The following ERCC2 variants were observed in gnomAD, a reference collection of about 807,000 sequenced individuals.
The protein encoded by ERCC2 is ERCC excision repair 2, TFIIH core complex helicase subunit, also known as general transcription and DNA repair factor IIH helicase subunit XPD.
Under a neutral mutation model 99.4 loss-of-function variants are expected in ERCC2, and 90 were observed. The ratio of observed to expected loss-of-function variants is 0.91; its 90% confidence interval spans 0.76 to 1.08. ERCC2 has a LOEUF of 1.08. Among genes scored for constraint, ERCC2 ranks in the 50% least tolerant of loss-of-function variants. ERCC2 has a pLI of 0.00. For synonymous variants in ERCC2, 497 were observed against 432.4 expected (o/e 1.15, Z -1.85); for missense variants, 993 against 1,038.1 (o/e 0.96, Z 0.60).
Position 45,351,585 on chromosome 19 carries a change from A to C in ERCC2, c.*44T>G. On this transcript the variant is annotated 3_prime_UTR_variant, in exon 23 of 23. Transcript: ENST00000391945. ...CCGCTGGGAACCAGGGCCAGGCAAG[A>C]CTCAGGAGTCACCAGGAACCGTTTA... is the stretch of plus-strand genomic sequence containing the variant. The C allele has an allele frequency of 6.2e-7, 1 of 1,611,932 alleles. No individual in the cohort carries two copies. Among genetic ancestry groups the C allele is most frequent in the Non-Finnish European group, 8.5e-7 (1 of 1,179,524 alleles).
At chr19:45,357,440 C>T (rs1443762654) in intron 14 of ERCC2, 34 bp downstream of exon 14, 1 of 1,612,522 alleles carries the variant, frequency 6.2e-7, no homozygotes. Context: ...GGAGGGAGGT[C>T]AGGGACTAGG....
intron 12 of ERCC2, among the ~76,000 whole-genome samples, chr19:45,360,392 T>C (rs1209152091): frequency 6.7e-6 from 1 of 150,108 alleles, no homozygotes; most frequent in African/African-American, 2.5e-5. Context: ...TTTTTTTTTT[T>C]TTTGAGACGA....
chr19:45,355,820 T>TC, intron 15 of ERCC2, 92 bp from the exon 16 acceptor site: 1 of 988,822 alleles, frequency 1.0e-6, no homozygotes, highest in East Asian at 2.5e-5. Context: ...TAAGCTTTTT[T>TC]TTTTTTTTTT....
intron 17 of ERCC2, among the ~76,000 whole-genome samples, chr19:45,353,946 G>A (rs993046831): frequency 2.0e-5 from 3 of 152,210 alleles, no homozygotes; most frequent in African/African-American, 7.2e-5. Flanking sequence ...GGTAGGCAAA[G>A]GTGTCTTAAG....
At position 45,351,199 on chromosome 19, in the gene ERCC2, G is replaced by A; in HGVS notation, c.*430C>T. On this transcript the variant is annotated 3_prime_UTR_variant, in exon 23 of 23. Transcript: ENST00000391945. ...GTAGAGGCGAGGGGGTTGGATAGTT[G>A]GCTGCCAGGCTGGACCTGGAGCTGG... is the stretch of plus-strand genomic sequence containing the variant. 7.6e-6 allele frequency: 12 copies of A among 1,584,948 alleles called. No individual in the cohort carries two copies. Among genetic ancestry groups the A allele is most frequent in the Non-Finnish European group, 9.4e-6 (11 of 1,164,986 alleles).
chr19:45,364,466 C>T lies in ERCC2; in HGVS notation c.676G>A (p.Ala226Thr), dbSNP rs753696173. 3 of 1,613,886 alleles carry T rather than the reference C, an allele frequency of 1.9e-6. No homozygotes were observed. The highest frequency in any genetic ancestry group is 2.2e-5 in the East Asian group (1 of 44,872). Residue 226 changes from alanine to threonine, a missense_variant, in exon 8 of 23, where the codon GCC becomes ACC. By Grantham distance (58) the Ala-to-Thr change is moderately conservative. This residue lies in a region of ERCC2 where 909 missense variants were observed against 930.8 expected (regional missense o/e 0.98). Transcript: ENST00000391945. ...TCGAAGACCACGACGGCCTTGCGGG[C>T]CAGTTCCTTGGACACCAGGTCTGCA... ...KIADLVSKELARKAVVVFDEA... is the reference protein window; with the variant it reads ...KIADLVSKELTRKAVVVFDEA...
chr19:45,362,697 G>A (rs1972267959), intron 11 of ERCC2, among the ~76,000 whole-genome samples: 2 of 152,260 alleles, frequency 1.3e-5, no homozygotes, highest in South Asian at 4.1e-4. Flanking sequence ...CATGAAGCAG[G>A]CACTTGGGGA....
In ERCC2 at chr19:45,354,721, CAGGCGTACCTGCTCATACCAGG is replaced by C; in HGVS notation, c.1652_1665+8del. 1 of 1,613,654 alleles carries C rather than the reference CAGGCGTACCTGCTCATACCAGG, an allele frequency of 6.2e-7. No individual in the cohort carries two copies. The highest frequency in any genetic ancestry group is 8.5e-7 in the Non-Finnish European group (1 of 1,179,812). On this transcript the variant is annotated splice_donor_variant and splice_donor_5th_base_variant and coding_sequence_variant and intron_variant, in exon 17 of 23. Coordinates refer to ENST00000391945, the MANE Select transcript of ERCC2 (RefSeq NM_000400.4). LOFTEE classifies it high-confidence loss of function. Reference sequence around the variant, plus strand: ...AGAGCAGGTGCAGGGAGGGGGTGGCCAGGCGTACCTGCTCATACCAGGAGGCCACGGTGCTCTCCATGTACTG... The same window carrying C: ...AGAGCAGGTGCAGGGAGGGGGTGGCCAGGCCACGGTGCTCTCCATGTACTG...
rs1272940322 is a variant in ERCC2, at chr19:45,364,181, G to A, written c.815+54C>T. The A allele has an allele frequency of 8.1e-6, 13 of 1,611,412 alleles. No homozygotes were observed. The Admixed American group carries it at 2.2e-4, about 27-fold the overall frequency. On this transcript the variant is annotated intron_variant, in intron 9 of 22. Transcript: ENST00000391945. ...CAACCCTGGGGACAAGTCAGACAGGGGCCAGGGTCCCAGGGGCAGGGCGGG... is the reference window on the plus strand; with the variant it reads ...CAACCCTGGGGACAAGTCAGACAGGAGCCAGGGTCCCAGGGGCAGGGCGGG...
intron 17 of ERCC2, among the ~76,000 whole-genome samples, chr19:45,353,924 C>T (rs536422723): frequency 3.9e-5 from 6 of 152,342 alleles, no homozygotes; most frequent in African/African-American, 1.4e-4. Context: ...GAGCCTCTCT[C>T]TATGACCTTG....
Position 45,364,566 on chromosome 19 carries a change from G to C in ERCC2, c.595-19C>G, listed in dbSNP as rs200619459. On this transcript the variant is annotated intron_variant, in intron 7 of 22. Coordinates refer to ENST00000391945, the MANE Select transcript of ERCC2 (RefSeq NM_000400.4). ...GCAGGATCTGGGGGGCCGGGGAGCA[G>C]GGTTACCAGGGCCCTGCCACCCCAA... 6.6e-5 allele frequency: 106 copies of C among 1,611,476 alleles called. No homozygotes were observed. The East Asian group carries it at 2.2e-3, about 33-fold the overall frequency.
rs1971631456 is a variant in ERCC2 at position 45,349,851 on chromosome 19, A to AT, written c.*1777dup. ...GCAGGCACAGGTGGCAGCAGCAGAC[A>AT]TTTATTGAGCTCACTGTGGCCGGCT... On this transcript the variant is annotated 3_prime_UTR_variant, in exon 23 of 23. Transcript: ENST00000391945. 2 of 522,140 alleles carry AT rather than the reference A, an allele frequency of 3.8e-6. No individual in the cohort carries two copies. Among genetic ancestry groups the AT allele is most frequent in the Admixed American group, 3.6e-5 (1 of 28,058 alleles). 32.3% of individuals were successfully genotyped at this position (522,140 alleles called of 1,614,324 possible).
chr19:45,364,759 AG>A, intron 7 of ERCC2, 78 bp downstream of exon 7: 2 of 1,290,852 alleles, frequency 1.5e-6, no homozygotes, highest in Non-Finnish European at 2.2e-6. Context: ...AGCAACAGAC[AG>A]ACATGGGCAG....
intron 4 of ERCC2, 36 bp downstream of exon 4, chr19:45,368,894 A>G: frequency 6.2e-7 from 1 of 1,610,064 alleles, no homozygotes; most frequent in Admixed American, 1.7e-5. Context: ...CCTAGGGAAC[A>G]GTGGGGCTGG....
rs1266915084 is a variant in ERCC2, at chr19:45,357,643, T to TG, written c.1293dup (p.Ile432HisfsTer18). The TG allele has an allele frequency of 2.5e-6, 4 of 1,613,892 alleles. No homozygotes were observed. Among genetic ancestry groups the TG allele is most frequent in the Non-Finnish European group, 3.4e-6 (4 of 1,179,990 alleles). On this transcript the variant is annotated frameshift_variant, in exon 13 of 23. Transcript: ENST00000391945. LOFTEE classifies it high-confidence loss of function. ...GCAGGGTCCCACCTGAAGTGCAGGA[T>TG]GGGGTTGGCAATGGTCGGGGTTCTG... is the stretch of plus-strand genomic sequence containing the variant.
At position 45,353,236 on chromosome 19, in the gene ERCC2, A is replaced by ACC; in HGVS notation, c.1758+4_1758+5dup. 6.2e-7 allele frequency: 1 copy of ACC among 1,613,442 alleles called. No individual in the cohort carries two copies. Among genetic ancestry groups the ACC allele is most frequent in the Non-Finnish European group, 8.5e-7 (1 of 1,179,658 alleles). ...ACCCCTCTCCACGCTGGCCTCGCAC[A>ACC]CCCACCTCCTGGTACTTCTCCAGGG... On this transcript the variant is annotated splice_donor_region_variant and intron_variant, in intron 18 of 22. Coordinates refer to ENST00000391945, the MANE Select transcript of ERCC2 (RefSeq NM_000400.4).
chr19:45,351,222 TGGA>T lies in ERCC2; in HGVS notation c.*404_*406del. 6.3e-7 allele frequency: 1 copy of T among 1,591,726 alleles called. No individual in the cohort carries two copies. The highest frequency in any genetic ancestry group is 8.6e-7 in the Non-Finnish European group (1 of 1,168,930). ...TTGGCTGCCAGGCTGGACCTGGAGC[TGGA>T]GGGTGGATGTAACACTTGCCCCTCA... On this transcript the variant is annotated 3_prime_UTR_variant, in exon 23 of 23. Coordinates refer to ENST00000391945, the MANE Select transcript of ERCC2 (RefSeq NM_000400.4).
chr19:45,352,911 G>T (rs749655759), intron 19 of ERCC2, 95 bp from the exon 20 acceptor site: 4 of 1,311,788 alleles, frequency 3.0e-6, no homozygotes, highest in Non-Finnish European at 4.4e-6. Flanking sequence ...GTCTGAGTTG[G>T]GGGGAGAGGG....
At chr19:45,357,180 C>G in intron 15 of ERCC2, 90 bp downstream of exon 15, 1 of 910,310 alleles carries the variant, frequency 1.1e-6, no homozygotes, top group Non-Finnish European at 1.8e-6. Flanking sequence ...TAAAGCTCTC[C>G]TGCCTGAGCA....
Sources: gnomAD v4.1 joint callset for allele counts (sites outside exome capture counted in the v4.1 genomes callset) on GRCh38, gnomAD v4.1.1 for gene constraint, gnomAD v4.1.1 regional missense constraint, MANE v1.5 for transcripts, NCBI Gene and HGNC (gene_info 2026-07-23, HGNC 2026-07-21) for gene names.